SETDB2: variants seen among roughly 807,000 people sequenced by gnomAD.
SETDB2 encodes SET domain bifurcated histone lysine methyltransferase 2, also known as histone-lysine N-methyltransferase SETDB2.
Under a neutral mutation model 82.5 loss-of-function variants are expected in SETDB2, and 56 were observed. The ratio of observed to expected loss-of-function variants is 0.68; its 90% confidence interval spans 0.55 to 0.85. The LOEUF (loss-of-function observed/expected upper bound fraction) is 0.85. Ranked by LOEUF, SETDB2 falls within the 40% of genes least tolerant of loss-of-function variation. The pLI is 0.00. For missense variants in SETDB2, 677 were observed against 816.4 expected, an observed-to-expected ratio of 0.83 and a Z score of 2.08; for synonymous variants, 272 against 284.9, an observed-to-expected ratio of 0.95 and a Z score of 0.46.
chr13:49,475,450 G>A (rs1359177889), intron 5 of SETDB2, among the ~76,000 whole-genome samples: 1 of 151,290 alleles, frequency 6.6e-6, no homozygotes, highest in African/African-American at 2.4e-5. Context: ...ATTTGTGAAA[G>A]TTTAAAACTT....
Position 49,490,844 on chromosome 13 carries a change from T to C in SETDB2, c.1940T>C (p.Leu647Ser), listed in dbSNP as rs2139002981. ...FLNHSCCPNL[L>S]VQNVFVETHN... ...CAGCATAGTTGTTGCCCAAATCTCT[T>C]GGTACAGAATGTTTTTGTAGAAACA... The change falls in exon 13 of 14, where the codon TTG becomes TCG. Residue 647 changes from leucine to serine, a missense_variant. Around this residue, in one of 3 missense-constraint regions of SETDB2, gnomAD observed 420 missense variants for 554.6 expected, o/e 0.76. Coordinates refer to ENST00000611815, the MANE Select transcript of SETDB2 (RefSeq NM_001160308.3). 2 of 1,613,110 alleles carry C rather than the reference T, an allele frequency of 1.2e-6. No homozygotes were observed. Among genetic ancestry groups the C allele is most frequent in the Non-Finnish European group, 1.7e-6 (2 of 1,179,322 alleles).
chr13:49,488,476 G>T lies in SETDB2; in HGVS notation c.1763G>T (p.Arg588Leu). ...EVQIQKPQEG[R>L]STACQRQQVF... is the part of the protein sequence containing the mutation. ...CAAATTCAGAAACCCCAAGAGGGAC[G>T]ATCTACAGCATGTCAAAGACAGCAG... The change falls in exon 12 of 14, where the codon CGA (arginine) becomes CTA (leucine). Residue 588 changes from arginine (R) to leucine (L), a missense_variant. Coordinates refer to ENST00000611815, the MANE Select transcript of SETDB2 (RefSeq NM_001160308.3). The T allele has an allele frequency of 2.5e-6, 4 of 1,614,054 alleles. No individual in the cohort carries two copies. The highest frequency in any genetic ancestry group is 3.4e-6 in the Non-Finnish European group (4 of 1,179,980).
intron 1 of SETDB2, among the ~76,000 whole-genome samples, chr13:49,451,329 T>C (rs935544826): frequency 3.3e-5 from 5 of 151,156 alleles, no homozygotes; most frequent in Admixed American, 2.0e-4. Context: ...ATATTAAATA[T>C]GGGTGATAGG....
rs1958370041 is a variant in SETDB2, at chr13:49,476,654, C to A, written c.484C>A (p.Gln162Lys). 2.5e-6 allele frequency: 4 copies of A among 1,614,140 alleles called. No homozygotes were observed. The highest frequency in any genetic ancestry group is 3.4e-6 in the Non-Finnish European group (4 of 1,180,030). Residue 162 changes from glutamine to lysine, a missense_variant, in exon 6 of 14, where the codon CAA (glutamine) becomes AAA (lysine). Physicochemically the swap from Gln to Lys is moderately conservative, Grantham distance 53. Around this residue, in one of 3 missense-constraint regions of SETDB2, gnomAD observed 243 missense variants for 237.2 expected, o/e 1.02. Coordinates refer to ENST00000611815, the MANE Select transcript of SETDB2 (RefSeq NM_001160308.3). ...PLQLPIKCHF[Q>K]RRHAKTNSHS... ...GCAGCTGCCAATCAAATGTCACTTC[C>A]AAAGACGACATGCAAAGACAAACTC... is the stretch of plus-strand genomic sequence containing the variant.
chr13:49,459,092 A>G (rs1201602612), intron 2 of SETDB2, among the ~76,000 whole-genome samples: 2 of 152,204 alleles, frequency 1.3e-5, no homozygotes, highest in African/African-American at 4.8e-5. Context: ...CTTACATAGT[A>G]TACATCAGTC....
intron 2 of SETDB2, among the ~76,000 whole-genome samples, chr13:49,459,694 G>A (rs2138854462): frequency 6.6e-6 from 1 of 152,022 alleles, no homozygotes; most frequent in East Asian, 1.9e-4. Context: ...TTTTTAAAAA[G>A]CAGTATTGTT....
intron 5 of SETDB2, among the ~76,000 whole-genome samples, chr13:49,471,269 A>G (rs1594157327): frequency 6.6e-6 from 1 of 151,672 alleles, no homozygotes; most frequent in Non-Finnish European, 1.5e-5. Context: ...GAGCCACCAC[A>G]CCCAGCCAGT....
At chr13:49,482,662 T>C (rs763335662) in intron 8 of SETDB2, 75 bp from the exon 9 acceptor site, 93 of 935,740 alleles carry the variant, frequency 9.9e-5, no homozygotes, top group Admixed American at 1.4e-4. Context: ...AGTCATGGAG[T>C]AGAAATAGAG....
chr13:49,490,515 A>G (rs1217949162), intron 12 of SETDB2, among the ~76,000 whole-genome samples: 1 of 152,204 alleles, frequency 6.6e-6, no homozygotes, highest in Non-Finnish European at 1.5e-5. Flanking sequence ...GAATCTGTGG[A>G]ATACAATTCT....
chr13:49,447,255 TG>T (rs1330380898), intron 1 of SETDB2, among the ~76,000 whole-genome samples: 35 of 152,184 alleles, frequency 2.3e-4, no homozygotes, highest in Admixed American at 6.5e-4. Context: ...GCCTCCTTTT[TG>T]TTGCTATTGT....
chr13:49,488,422 A>ATCAGAATAT lies in SETDB2; in HGVS notation c.1711_1719dup (p.Gln571_Ile573dup), dbSNP rs1285734753. ...TGTAACCAGGCGACCACATTGGATAATCAGAATATTAAAAAGGCAATTGAG... is the reference window on the plus strand; with the variant it reads ...TGTAACCAGGCGACCACATTGGATAATCAGAATATTCAGAATATTAAAAAGGCAATTGAG... On this transcript the variant is annotated inframe_insertion, in exon 12 of 14. Transcript: ENST00000611815. The ATCAGAATAT allele has an allele frequency of 1.2e-6, 2 of 1,614,178 alleles. No individual in the cohort carries two copies. Among genetic ancestry groups the ATCAGAATAT allele is most frequent in the Non-Finnish European group, 1.7e-6 (2 of 1,180,012 alleles).
intron 12 of SETDB2, among the ~76,000 whole-genome samples, chr13:49,490,605 C>T (rs1284759033): frequency 6.6e-6 from 1 of 152,104 alleles, no homozygotes; most frequent in Non-Finnish European, 1.5e-5. Context: ...GGATTTGTCC[C>T]ATTTTTGCAT....
At chr13:49,491,606 A>T in intron 13 of SETDB2, 126 bp from the exon 14 acceptor site, 1 of 664,210 alleles carries the variant, frequency 1.5e-6, no homozygotes, top group Non-Finnish European at 2.7e-6. Context: ...TAATTGGTGG[A>T]TGTTGGGTGA....
rs376007157 is a variant in SETDB2 at position 49,444,382 on chromosome 13, C to T, written c.-817C>T. 6.9e-5 allele frequency: 14 copies of T among 201,882 alleles called. No homozygotes were observed. The highest frequency in any genetic ancestry group is 1.8e-4 in the South Asian group (3 of 16,876). 12.5% of individuals were successfully genotyped at this position (201,882 alleles called of 1,614,324 possible). A position where few individuals can be genotyped will look rare whatever the true frequency, so the allele number is the denominator to read the frequency against. ...TTCCCGGCCAGAGGGCACCTGCGCT[C>T]GGGAGGTTTGGGCGGCTTGGCGTCG... On this transcript the variant is annotated 5_prime_UTR_variant, in exon 1 of 14. Transcript: ENST00000611815.
intron 5 of SETDB2, 31 bp from the exon 6 acceptor site, chr13:49,476,445 T>G (rs1335787423): frequency 1.2e-5 from 17 of 1,372,406 alleles, no homozygotes; most frequent in Non-Finnish European, 1.7e-5. Context: ...ACTATAAATT[T>G]GAGATACTAA....
intron 13 of SETDB2, among the ~76,000 whole-genome samples, chr13:49,491,513 A>G (rs1958713991): frequency 6.6e-6 from 1 of 152,216 alleles, no homozygotes; most frequent in African/African-American, 2.4e-5. Context: ...CTTCTTCCTC[A>G]TATTGATAGG....
At chr13:49,476,396 G>A in intron 5 of SETDB2, 80 bp from the exon 6 acceptor site, 1 of 932,490 alleles carries the variant, frequency 1.1e-6, no homozygotes, top group African/African-American at 1.7e-5. Flanking sequence ...GTCTAAGAAG[G>A]TAGAAAATAA....
Position 49,462,216 on chromosome 13 carries a change from T to C in SETDB2, c.208+1054T>C, listed in dbSNP as rs532636374. ...TCTGCCTCTTTCTCTTCCCTGGATA[T>C]GGGGGTGGAAAGAGTAGGGATGAAA... On this transcript the variant is annotated intron_variant, in intron 4 of 13. Transcript: ENST00000611815. Among the ~76,000 whole-genome samples the C allele has an allele frequency of 5.9e-5, 9 of 152,324 alleles. No homozygotes were observed. The East Asian group carries it at 1.2e-3, about 20-fold the overall frequency.
chr13:49,459,915 A>G (rs2138855516), intron 2 of SETDB2, 192 bp from the exon 3 acceptor site: 2 of 485,050 alleles, frequency 4.1e-6, no homozygotes, highest in East Asian at 7.4e-5. Context: ...GAAATGGGTA[A>G]GATACTTAGA....
Sources: allele counts gnomAD v4.1 joint callset (sites outside exome capture counted in the v4.1 genomes callset), GRCh38; gene constraint gnomAD v4.1.1; regional missense constraint gnomAD v4.1.1; transcripts MANE v1.5; gene names NCBI Gene and HGNC (gene_info 2026-07-23, HGNC 2026-07-21).